TIPARP: variants seen among roughly 807,000 people sequenced by gnomAD.
TIPARP encodes the protein protein mono-ADP-ribosyltransferase TIPARP.
A neutral mutation model predicts 56.5 loss-of-function variants in TIPARP; 12 were observed. The ratio of observed to expected loss-of-function variants is 0.21; its 90% CI spans 0.14 to 0.34. The LOEUF (loss-of-function observed/expected upper bound fraction) is 0.34, where lower values mean the gene tolerates loss of function less well. TIPARP is among the 10% of genes least tolerant of loss of function. The pLI, the probability that TIPARP is intolerant of heterozygous loss-of-function variation, is 1.00. For missense variants in TIPARP, 604 were observed against 781.6 expected, an observed-to-expected ratio of 0.77 and a Z score of 2.71; for synonymous variants, 296 against 265.7, an observed-to-expected ratio of 1.11 and a Z score of -1.11.
chr3:156,692,955 C>T (rs1722614409), intron 2 of TIPARP, among the ~76,000 whole-genome samples: 1 of 151,912 alleles, frequency 6.6e-6, no homozygotes, highest in South Asian at 2.1e-4. Flanking sequence ...TAATTTACAG[C>T]AAGGAAATAA....
Position 156,680,465 on chromosome 3 carries a change from T to C in TIPARP, c.917+1851T>C, listed in dbSNP as rs2108487064. Among the ~76,000 whole-genome samples the C allele has an allele frequency of 1.3e-5, 2 of 152,322 alleles. 1 individual carries two copies. Among genetic ancestry groups the C allele is most frequent in the South Asian group, 4.1e-4 (2 of 4,822 alleles). ...ACTCTCAAAGCCACTCTAATCCTTC[T>C]ATCTCCAGATTGCAAAACTTTGCAG... On this transcript the variant is annotated intron_variant, in intron 2 of 5. Coordinates refer to ENST00000295924, the MANE Select transcript of TIPARP (RefSeq NM_015508.5).
intron 3 of TIPARP, among the ~76,000 whole-genome samples, chr3:156,695,458 A>G (rs1559975200): frequency 2.0e-5 from 3 of 151,896 alleles, no homozygotes; most frequent in South Asian, 2.1e-4. Context: ...GCCTCAAACA[A>G]TCCTCCTTTC....
chr3:156,678,353 C>T lies in TIPARP; in HGVS notation c.656C>T (p.Ser219Phe). 1 of 1,614,168 alleles carries T rather than the reference C, an allele frequency of 6.2e-7. No homozygotes were observed. ...ELFQDKSEEA[S>F]LDLVFELVNQ... is the part of the protein sequence containing the mutation. ...TTTCAGGACAAAAGTGAAGAGGCTT[C>T]CCTTGACCTCGTGTTTGAGCTGGTG... Residue 219 changes from serine to phenylalanine, a missense_variant, in exon 2 of 6, where the codon TCC becomes TTC. Physicochemically the swap from Ser to Phe is radical, Grantham distance 155. Coordinates refer to ENST00000295924, the MANE Select transcript of TIPARP (RefSeq NM_015508.5).
chr3:156,694,046 A>C lies in TIPARP; in HGVS notation c.944A>C (p.Asn315Thr). ...YGGQEFWADL[N>T]AMNVYETTEF... The stretch of plus-strand genomic sequence containing the variant: ...GGACAAGAATTTTGGGCAGATTTGA[A>C]TGCCATGAACGTGTATGAAACAACT... Residue 315 changes from asparagine to threonine, a missense_variant, in exon 3 of 6, where the codon AAT becomes ACT. By Grantham distance (65) the Asn-to-Thr change is moderately conservative. Transcript: ENST00000295924. The C allele has an allele frequency of 1.9e-6, 3 of 1,603,244 alleles. No homozygotes were observed. The highest frequency in any genetic ancestry group is 2.5e-6 in the Non-Finnish European group (3 of 1,176,720).
In TIPARP at chr3:156,706,332, A is replaced by C. The variant is rs1415854302; in HGVS notation, c.*1201A>C. The C allele has an allele frequency of 6.5e-6, 1 of 152,700 alleles. No homozygotes were observed. Among genetic ancestry groups the C allele is most frequent in the African/African-American group, 2.4e-5 (1 of 41,478 alleles). The allele number at this position is 152,700 out of a possible 1,614,324, so 9.5% of individuals were successfully genotyped here. A position where few individuals can be genotyped will look rare whatever the true frequency, so the allele number is the denominator to read the frequency against. On this transcript the variant is annotated 3_prime_UTR_variant, in exon 6 of 6. Coordinates refer to ENST00000295924, the MANE Select transcript of TIPARP (RefSeq NM_015508.5). Reference sequence around the variant, plus strand: ...TACAAAAGTGAAAGTAGTTGTTCACAAAAGAATTCGCCATGGAATTCTTTC... The same window carrying C: ...TACAAAAGTGAAAGTAGTTGTTCACCAAAGAATTCGCCATGGAATTCTTTC...
chr3:156,703,348 T>G, intron 4 of TIPARP, 76 bp from the exon 5 acceptor site: 1 of 1,426,816 alleles, frequency 7.0e-7, no homozygotes, highest in Non-Finnish European at 9.6e-7. Context: ...AAGTAGACAC[T>G]GATATAGATC....
rs374905808 is a variant in TIPARP, at chr3:156,687,633, A to C, written c.918-6387A>C. ...TTAGTATCAGTGTGTTTTGAGAATA[A>C]ACTGTGTTATGTTTGTTTAGCTCCC... On this transcript the variant is annotated intron_variant, in intron 2 of 5. Transcript: ENST00000295924. 1.4e-4 allele frequency among the ~76,000 whole-genome samples: 21 copies of C among 152,036 alleles called. 1 individual carries two copies. The highest frequency in any genetic ancestry group is 4.1e-4 in the African/African-American group (17 of 41,532).
At chr3:156,682,926 T>C (rs1664935501) in intron 2 of TIPARP, among the ~76,000 whole-genome samples, 1 of 152,230 alleles carries the variant, frequency 6.6e-6, no homozygotes, top group African/African-American at 2.4e-5. Context: ...TTGTACTTCT[T>C]TATGCTACTA....
In TIPARP at chr3:156,705,149, A is replaced by T; in HGVS notation, c.*18A>T. ...CCATTTGAAAAATCTTGGTACTGCT[A>T]AATTATTTGATATGAACTCAATCCA... is the stretch of plus-strand genomic sequence containing the variant. On this transcript the variant is annotated 3_prime_UTR_variant, in exon 6 of 6. Transcript: ENST00000295924. 1 of 1,550,324 alleles carries T rather than the reference A, an allele frequency of 6.5e-7. No individual in the cohort carries two copies. Among genetic ancestry groups the T allele is most frequent in the South Asian group, 1.3e-5 (1 of 79,824 alleles).
chr3:156,682,730 G>A (rs934145540), intron 2 of TIPARP, among the ~76,000 whole-genome samples: 1 of 152,192 alleles, frequency 6.6e-6, no homozygotes, highest in African/African-American at 2.4e-5. Context: ...GAGGAGAACA[G>A]CTGAAACTTA....
chr3:156,678,135 C>A lies in TIPARP; in HGVS notation c.438C>A (p.Thr146=), dbSNP rs377564237. The A allele has an allele frequency of 6.2e-7, 1 of 1,613,884 alleles. No homozygotes were observed. Among genetic ancestry groups the A allele is most frequent in the East Asian group, 2.2e-5 (1 of 44,902 alleles). Residue 146 remains threonine (T), a synonymous_variant, in exon 2 of 6, where the codon ACC becomes ACA. Transcript: ENST00000295924. ...PIQDHSFPSE[T]LSGTVADSTP... The stretch of plus-strand genomic sequence containing the variant: ...AAGATCACAGCTTTCCATCAGAAAC[C>A]CTCAGTGGGACGGTGGCAGATTCCA...
intron 4 of TIPARP, among the ~76,000 whole-genome samples, 174 bp from the exon 5 acceptor site, chr3:156,703,250 A>G (rs1722896622): frequency 6.6e-6 from 1 of 152,184 alleles, no homozygotes. Context: ...TGTACAGGCG[A>G]TGTTTGCTCC....
chr3:156,675,314 A>G (rs1722092202), intron 1 of TIPARP: 1 of 152,392 alleles, frequency 6.6e-6, no homozygotes, highest in Admixed American at 6.5e-5. Context: ...CCGCCGCGGG[A>G]AGCGCTCGCC....
intron 2 of TIPARP, among the ~76,000 whole-genome samples, chr3:156,681,670 A>G (rs1722309804): frequency 1.3e-5 from 2 of 152,308 alleles, no homozygotes; most frequent in African/African-American, 4.8e-5. Flanking sequence ...AGATGCTTAG[A>G]TACTAAAAGC....
chr3:156,686,565 A>G (rs1372189988), intron 2 of TIPARP, among the ~76,000 whole-genome samples: 2 of 152,184 alleles, frequency 1.3e-5, no homozygotes, highest in Non-Finnish European at 2.9e-5. Context: ...GTAATAAGTC[A>G]CCAATGAGTA....
chr3:156,684,614 TAG>T (rs1256005889), intron 2 of TIPARP, among the ~76,000 whole-genome samples: 1 of 152,162 alleles, frequency 6.6e-6, no homozygotes. Flanking sequence ...TGTATTTTAG[TAG>T]AGACAGGGTT....
At chr3:156,680,092 A>G (rs1722256846) in intron 2 of TIPARP, among the ~76,000 whole-genome samples, 1 of 152,200 alleles carries the variant, frequency 6.6e-6, no homozygotes, top group Non-Finnish European at 1.5e-5. Context: ...TTGTGTTTCA[A>G]AAGGGAAGTG....
rs1261037745 is a variant in TIPARP at position 156,704,713 on chromosome 3, T to C, written c.1556T>C (p.Phe519Ser). 3 of 1,613,832 alleles carry C rather than the reference T, an allele frequency of 1.9e-6. No homozygotes were observed. In the Admixed American group the frequency reaches 5.0e-5, roughly 27 times the overall value. Residue 519 changes from phenylalanine (F) to serine (S), a missense_variant, in exon 6 of 6, where the codon TTT (phenylalanine) becomes TCT (serine). Phe to Ser is a radical substitution (Grantham distance 155). Coordinates refer to ENST00000295924, the MANE Select transcript of TIPARP (RefSeq NM_015508.5). ...RKKEYMNRKM[F>S]GRDRIINERH... The stretch of plus-strand genomic sequence containing the variant: ...AAGGAATATATGAACAGGAAAATGT[T>C]TGGCCGTGACAGGATAATAAATGAG...
rs952972923 is a variant in TIPARP, at chr3:156,686,885, G to A, written c.918-7135G>A. Reference sequence around the variant, plus strand: ...TTTATGTAGAAAAAATTATAAAAACGTTTATTTTATCCCTTTTTAAGGGAT... The same window carrying A: ...TTTATGTAGAAAAAATTATAAAAACATTTATTTTATCCCTTTTTAAGGGAT... On this transcript the variant is annotated intron_variant, in intron 2 of 5. Coordinates refer to ENST00000295924, the MANE Select transcript of TIPARP (RefSeq NM_015508.5). 3.3e-5 allele frequency among the ~76,000 whole-genome samples: 5 copies of A among 151,842 alleles called. No homozygotes were observed. In the South Asian group the frequency reaches 6.2e-4, roughly 19 times the overall value.
Sources: gnomAD v4.1 joint callset for allele counts (sites outside exome capture counted in the v4.1 genomes callset) on GRCh38, gnomAD v4.1.1 for gene constraint, MANE v1.5 for transcripts, NCBI Gene and HGNC (gene_info 2026-07-23, HGNC 2026-07-21) for gene names.